The following LPGAT1 variants were observed in gnomAD, a reference collection of about 807,000 sequenced individuals.
LPGAT1 encodes lysophosphatidylglycerol acyltransferase 1.
In LPGAT1, 11 loss-of-function variants were observed where a neutral mutation model predicts 47.5. That is an observed-to-expected ratio of 0.23 (90% CI 0.15 to 0.38). The LOEUF is 0.38. LPGAT1 is among the 10% of genes least tolerant of loss of function. LPGAT1 has a pLI of 1.00. For missense variants in LPGAT1, 293 were observed against 439.0 expected (o/e 0.67, Z 2.97); for synonymous variants, 138 against 144.2 (o/e 0.96, Z 0.31).
intron 6 of LPGAT1, among the ~76,000 whole-genome samples, chr1:211,757,771 A>G (rs1657526905): frequency 6.6e-6 from 1 of 152,240 alleles, no homozygotes. Context: ...TAATTAAACA[A>G]GTTTAACTTT....
At position 211,757,203 on chromosome 1, in the gene LPGAT1, G is replaced by A. The variant is rs185905776; in HGVS notation, c.855-6136C>T. 7.3e-5 allele frequency among the ~76,000 whole-genome samples: 11 copies of A among 151,184 alleles called. No homozygotes were observed. The East Asian group carries it at 1.8e-3, about 24-fold the overall frequency. ...TGGAAGGCGGAGGTTGCAGTGAGCCGAGATCGTACCACTGTACTCCAGCCT... is the reference window on the plus strand; with the variant it reads ...TGGAAGGCGGAGGTTGCAGTGAGCCAAGATCGTACCACTGTACTCCAGCCT... On this transcript the variant is annotated intron_variant, in intron 6 of 7. Coordinates refer to ENST00000366997, the MANE Select transcript of LPGAT1 (RefSeq NM_014873.3).
chr1:211,800,962 A>T (rs1362346001), intron 2 of LPGAT1, among the ~76,000 whole-genome samples: 1 of 152,220 alleles, frequency 6.6e-6, no homozygotes, highest in African/African-American at 2.4e-5. Flanking sequence ...AAGAGGAAAG[A>T]CCTAAAAATA....
intron 6 of LPGAT1, among the ~76,000 whole-genome samples, chr1:211,767,464 C>T (rs912903963): frequency 6.6e-6 from 1 of 152,022 alleles, no homozygotes; most frequent in Non-Finnish European, 1.5e-5. Context: ...TTTTTTGAAG[C>T]AAAGGGGGAA....
intron 6 of LPGAT1, among the ~76,000 whole-genome samples, chr1:211,772,008 C>T (rs867383915): frequency 2.6e-5 from 4 of 152,120 alleles, no homozygotes; most frequent in African/African-American, 4.8e-5. Flanking sequence ...TGGGCTCAAG[C>T]GATCCTTCTG....
intron 3 of LPGAT1, among the ~76,000 whole-genome samples, chr1:211,788,271 T>C (rs1156752048): frequency 6.6e-6 from 1 of 152,240 alleles, no homozygotes; most frequent in Non-Finnish European, 1.5e-5. Context: ...TCATGGTCTT[T>C]GCCAGGATAA....
chr1:211,795,890 T>C (rs1308145175), intron 2 of LPGAT1, among the ~76,000 whole-genome samples: 1 of 152,176 alleles, frequency 6.6e-6, no homozygotes, highest in Non-Finnish European at 1.5e-5. Flanking sequence ...TCAAGTATTA[T>C]TCTAAAGTGA....
chr1:211,777,799 C>T (rs936366919), intron 6 of LPGAT1, among the ~76,000 whole-genome samples: 1 of 152,176 alleles, frequency 6.6e-6, no homozygotes, highest in Non-Finnish European at 1.5e-5. Flanking sequence ...CTGAGACCTA[C>T]TCGGCTGCAT....
intron 2 of LPGAT1, among the ~76,000 whole-genome samples, chr1:211,811,453 T>A (rs1014914828): frequency 6.6e-6 from 1 of 152,198 alleles, no homozygotes; most frequent in Non-Finnish European, 1.5e-5. Flanking sequence ...AATGGGGATT[T>A]TTTTTAAAGA....
At chr1:211,757,953 C>T (rs17018028) in intron 6 of LPGAT1, among the ~76,000 whole-genome samples, 12,591 of 152,224 alleles carry the variant, frequency 0.083, 647 homozygotes, top group Admixed American at 0.15. Context: ...CTTTGATAGG[C>T]TACTTCGCTT....
chr1:211,774,132 C>CTTTTTTTTTTTTTTTTTTTTTT (rs67342051), intron 6 of LPGAT1, among the ~76,000 whole-genome samples: 2 of 66,826 alleles, frequency 3.0e-5, no homozygotes, highest in Non-Finnish European at 4.9e-5. Flanking sequence ...TTTTAAAAGT[C>CTTTTTTTTTTTTTTTTTTTTTT]TTTTTTTTTT....
At chr1:211,829,660 G>A (rs2102617721) in intron 1 of LPGAT1, 1 of 1,071,688 alleles carries the variant, frequency 9.3e-7, no homozygotes, top group African/African-American at 1.7e-5. Flanking sequence ...AGATCCACTC[G>A]CTTCAGACAA....
chr1:211,801,374 C>T (rs560179141), intron 2 of LPGAT1, among the ~76,000 whole-genome samples: 1 of 152,214 alleles, frequency 6.6e-6, no homozygotes, highest in South Asian at 2.1e-4. Flanking sequence ...ACTCAAAACC[C>T]TTTCCTTCAT....
At position 211,749,657 on chromosome 1, in the gene LPGAT1, A is replaced by G; in HGVS notation, c.*242T>C. The stretch of plus-strand genomic sequence containing the variant: ...TCTTCTCCAAATGTGATGTTTGCTT[A>G]AATATGTGATAGAGTGTATCTTTTT... On this transcript the variant is annotated 3_prime_UTR_variant, in exon 8 of 8. Coordinates refer to ENST00000366997, the MANE Select transcript of LPGAT1 (RefSeq NM_014873.3). 2.4e-6 allele frequency: 1 copy of G among 418,390 alleles called. No homozygotes were observed. The highest frequency in any genetic ancestry group is 4.2e-6 in the Non-Finnish European group (1 of 235,610). 25.9% of individuals were successfully genotyped at this position (418,390 alleles called of 1,614,324 possible). A position where few individuals can be genotyped will look rare whatever the true frequency, so the allele number is the denominator to read the frequency against.
At chr1:211,760,192 G>A (rs750668099) in intron 6 of LPGAT1, among the ~76,000 whole-genome samples, 6 of 152,204 alleles carry the variant, frequency 3.9e-5, no homozygotes, top group African/African-American at 7.2e-5. Flanking sequence ...GGGCGTGGTG[G>A]CTCACGCCTG....
In LPGAT1 at chr1:211,826,586, G is replaced by GT. The variant is rs1660549798; in HGVS notation, c.238+2472dup. Among the ~76,000 whole-genome samples, 3 of 151,984 alleles carry GT rather than the reference G, an allele frequency of 2.0e-5. No individual in the cohort carries two copies. In the South Asian group the frequency reaches 6.2e-4, roughly 31 times the overall value. ...GTGGCTACTATATGGGGCTGTGTAG[G>GT]TTAGATAATCAACATAAGTCCTCAT... On this transcript the variant is annotated intron_variant, in intron 2 of 7. Transcript: ENST00000366997.
At chr1:211,790,877 C>T (rs1007497260) in intron 3 of LPGAT1, among the ~76,000 whole-genome samples, 1 of 152,124 alleles carries the variant, frequency 6.6e-6, no homozygotes, top group Non-Finnish European at 1.5e-5. Context: ...TTTCAAAAAA[C>T]ACTTAAGGAC....
chr1:211,760,717 G>GCATA (rs931896647), intron 6 of LPGAT1, among the ~76,000 whole-genome samples: 28 of 152,124 alleles, frequency 1.8e-4, no homozygotes, highest in Admixed American at 6.5e-4. Context: ...ATGTATGTAT[G>GCATA]GGGCAGACTC....
At chr1:211,803,100 G>GAAA (rs1659632990) in intron 2 of LPGAT1, 1 of 151,192 alleles carries the variant, frequency 6.6e-6, no homozygotes, top group South Asian at 2.1e-4. Flanking sequence ...CTTGACCTGG[G>GAAA]GAAAAAAAAA....
rs976941260 is a variant in LPGAT1 at position 211,830,216 on chromosome 1, A to C, written c.-28+357T>G. The C allele has an allele frequency of 6.1e-4, 601 of 982,730 alleles. 1 individual carries two copies. The highest frequency in any genetic ancestry group is 2.6e-3 in the Admixed American group (41 of 16,040). The allele number at this position is 982,730 out of a possible 1,614,324, so 60.9% of individuals were successfully genotyped here. A position where few individuals can be genotyped will look rare whatever the true frequency, so the allele number is the denominator to read the frequency against. ...GCGCGGACGGCGGGCGGCTGCGGAGAGCGGGGGCGGGTGTCCCCCGCCGAG... is the reference window on the plus strand; with the variant it reads ...GCGCGGACGGCGGGCGGCTGCGGAGCGCGGGGGCGGGTGTCCCCCGCCGAG... On this transcript the variant is annotated intron_variant, in intron 1 of 7. Transcript: ENST00000366997. This position sits in a 1 kb window ranked among gnomAD's most constrained non-coding sequence, Gnocchi z 5.9.
Sources: gnomAD v4.1 joint callset for allele counts (sites outside exome capture counted in the v4.1 genomes callset) on GRCh38, gnomAD v4.1.1 for gene constraint, Gnocchi (gnomAD v3.1) non-coding constraint, MANE v1.5 for transcripts, NCBI Gene and HGNC (gene_info 2026-07-23, HGNC 2026-07-21) for gene names.